RPS6KC1: variants seen among roughly 807,000 people sequenced by gnomAD.
The protein encoded by RPS6KC1 is inactive ribosomal protein S6 kinase delta-1.
RPS6KC1 carries 54 observed loss-of-function variants against 103.8 expected under a neutral mutation model. That is an observed-to-expected ratio of 0.52 (90% CI 0.42 to 0.65). The LOEUF (loss-of-function observed/expected upper bound fraction) is 0.65. Among genes scored for constraint, RPS6KC1 ranks in the 30% least tolerant of loss-of-function variants. RPS6KC1 has a pLI of 0.00. For synonymous variants in RPS6KC1, 439 were observed against 438.7 expected, an observed-to-expected ratio of 1.00 and a Z score of -0.01; for missense variants, 1,151 against 1,253.8, an observed-to-expected ratio of 0.92 and a Z score of 1.24.
chr1:213,823,726 CCA>C, the RPS6KC1 span, among the ~76,000 whole-genome samples: 3 of 146,382 alleles, frequency 2.0e-5, no homozygotes, highest in East Asian at 2.0e-4. Context: ...GCTATCACAG[CCA>C]CACACACACA....
intron 14 of RPS6KC1, among the ~76,000 whole-genome samples, chr1:213,266,090 A>G (rs963077945): frequency 6.6e-6 from 1 of 152,152 alleles, no homozygotes; most frequent in Non-Finnish European, 1.5e-5. Context: ...TATCTTTGTT[A>G]TTATTATTGA....
chr1:213,783,424 G>A, the RPS6KC1 span, among the ~76,000 whole-genome samples: 1 of 152,298 alleles, frequency 6.6e-6, no homozygotes, highest in East Asian at 1.9e-4. Context: ...ATAACCACTG[G>A]TGACATCTGC....
chr1:213,470,120 T>A, the RPS6KC1 span, among the ~76,000 whole-genome samples: 42 of 152,316 alleles, frequency 2.8e-4, no homozygotes, highest in African/African-American at 9.9e-4. Flanking sequence ...TTTCCCTAAT[T>A]ATTTCACAAT....
At chr1:213,719,640 G>C in the RPS6KC1 span, among the ~76,000 whole-genome samples, 2 of 152,122 alleles carry the variant, frequency 1.3e-5, no homozygotes, top group Non-Finnish European at 2.9e-5. Flanking sequence ...GCATGGAAGG[G>C]GACCATGTGA....
the RPS6KC1 span, among the ~76,000 whole-genome samples, chr1:213,431,640 C>A: frequency 1.4e-5 from 2 of 145,264 alleles, no homozygotes; most frequent in African/African-American, 5.2e-5. Flanking sequence ...CTATTGTATT[C>A]CATTGTTTGT....
the RPS6KC1 span, among the ~76,000 whole-genome samples, chr1:213,442,165 G>A: frequency 0.044 from 6,711 of 152,196 alleles, 162 homozygotes; most frequent in African/African-American, 0.06. Flanking sequence ...GGAAAAGAAA[G>A]CCAGGCAATT....
chr1:213,624,561 A>G, the RPS6KC1 span, among the ~76,000 whole-genome samples: 1 of 152,124 alleles, frequency 6.6e-6, no homozygotes, highest in African/African-American at 2.4e-5. Flanking sequence ...TGAGATTTGA[A>G]CCAGCCTTTC....
the RPS6KC1 span, among the ~76,000 whole-genome samples, chr1:213,573,499 G>C: frequency 1.3e-5 from 2 of 152,188 alleles, no homozygotes; most frequent in African/African-American, 4.8e-5. Flanking sequence ...AGTCACATGT[G>C]ATCTGCACTC....
At chr1:213,659,067 C>T in the RPS6KC1 span, among the ~76,000 whole-genome samples, 7 of 152,128 alleles carry the variant, frequency 4.6e-5, no homozygotes, top group South Asian at 2.1e-4. Context: ...TGGGTTCAAG[C>T]GATTCTCCTG....
At chr1:213,109,831 GT>G (rs1281196785) in intron 4 of RPS6KC1, among the ~76,000 whole-genome samples, 463 of 143,374 alleles carry the variant, frequency 3.2e-3, no homozygotes, top group Non-Finnish European at 4.8e-3. Context: ...TAGGTGGGAA[GT>G]TTTTTTTTTT....
the RPS6KC1 span, among the ~76,000 whole-genome samples, chr1:213,303,236 G>C: frequency 6.6e-6 from 1 of 152,190 alleles, no homozygotes; most frequent in Non-Finnish European, 1.5e-5. Context: ...CAGGATGAGC[G>C]GGGAGAGGAG....
chr1:213,804,642 A>G, the RPS6KC1 span, among the ~76,000 whole-genome samples: 1 of 152,194 alleles, frequency 6.6e-6, no homozygotes, highest in African/African-American at 2.4e-5. Flanking sequence ...AATTAACTTT[A>G]TGATTTTTAT....
chr1:213,426,454 C>G, the RPS6KC1 span, among the ~76,000 whole-genome samples: 2 of 152,118 alleles, frequency 1.3e-5, no homozygotes, highest in Non-Finnish European at 2.9e-5. Flanking sequence ...TGAGTTTTTG[C>G]GGTCTCCTTC....
chr1:213,807,042 T>C, the RPS6KC1 span, among the ~76,000 whole-genome samples: 49 of 152,336 alleles, frequency 3.2e-4, no homozygotes, highest in Non-Finnish European at 6.5e-4. Flanking sequence ...CTTATGAAGC[T>C]TAGTTTGACT....
chr1:213,857,106 A>T, the RPS6KC1 span, among the ~76,000 whole-genome samples: 7 of 152,330 alleles, frequency 4.6e-5, no homozygotes, highest in African/African-American at 1.7e-4. Flanking sequence ...ATATGAAAAT[A>T]AGCTAGTTAT....
At chr1:213,468,528 A>G in the RPS6KC1 span, among the ~76,000 whole-genome samples, 2 of 152,222 alleles carry the variant, frequency 1.3e-5, no homozygotes, top group East Asian at 1.9e-4. Context: ...TAAATAGATC[A>G]GTTTCTATAG....
intron 1 of RPS6KC1, among the ~76,000 whole-genome samples, chr1:213,070,366 A>G (rs150765693): frequency 6.6e-6 from 1 of 152,354 alleles, no homozygotes; most frequent in East Asian, 1.9e-4. Flanking sequence ...TTAAGAATGT[A>G]GTGAATATAT....
chr1:213,192,164 T>C (rs1241983368), intron 8 of RPS6KC1, among the ~76,000 whole-genome samples: 1 of 152,218 alleles, frequency 6.6e-6, no homozygotes, highest in Non-Finnish European at 1.5e-5. Flanking sequence ...GTTTTGTCTT[T>C]CATTCTGTTG....
chr1:213,377,748 G>A, the RPS6KC1 span, among the ~76,000 whole-genome samples: 1 of 152,152 alleles, frequency 6.6e-6, no homozygotes, highest in South Asian at 2.1e-4. Context: ...GTCTGATTGG[G>A]GGTGGGAAAA....
Sources: allele counts gnomAD v4.1 joint callset (sites outside exome capture counted in the v4.1 genomes callset), GRCh38; gene constraint gnomAD v4.1.1; transcripts MANE v1.5; gene names NCBI Gene and HGNC (gene_info 2026-07-23, HGNC 2026-07-21).